The following SPIDR variants were observed in gnomAD, a reference collection of about 807,000 sequenced individuals.
SPIDR encodes scaffold protein involved in DNA repair.
Under a neutral mutation model 104.6 loss-of-function variants are expected in SPIDR, and 93 were observed. The observed-to-expected ratio is 0.89, with a 90% confidence interval of 0.75 to 1.06. SPIDR has a LOEUF of 1.06. Among genes scored for constraint, SPIDR ranks in the 50% least tolerant of loss-of-function variants. The pLI, the probability that SPIDR is intolerant of heterozygous loss-of-function variation, is 0.00. For synonymous variants in SPIDR, 431 were observed against 416.9 expected, an observed-to-expected ratio of 1.03 and a Z score of -0.41; for missense variants, 1,154 against 1,111.2, an observed-to-expected ratio of 1.04 and a Z score of -0.55.
intron 5 of SPIDR, among the ~76,000 whole-genome samples, chr8:47,321,951 G>A (rs544668744): frequency 1.3e-5 from 2 of 152,106 alleles, no homozygotes; most frequent in South Asian, 2.1e-4. Flanking sequence ...AATTCAAGAT[G>A]GATTAAAGAC....
chr8:47,730,042 A>T (rs1355588337), intron 19 of SPIDR, among the ~76,000 whole-genome samples: 1 of 152,078 alleles, frequency 6.6e-6, no homozygotes, highest in African/African-American at 2.4e-5. Context: ...TGATTACAGC[A>T]CCACAGTCTT....
intron 16 of SPIDR, among the ~76,000 whole-genome samples, chr8:47,722,244 C>A (rs776774594): frequency 3.9e-5 from 6 of 152,182 alleles, no homozygotes; most frequent in South Asian, 4.1e-4. Context: ...TTGCTGTAAT[C>A]ACTTAGTAGT....
At chr8:47,266,522 C>T (rs1183718067) in intron 1 of SPIDR, among the ~76,000 whole-genome samples, 1 of 152,144 alleles carries the variant, frequency 6.6e-6, no homozygotes, top group Non-Finnish European at 1.5e-5. Flanking sequence ...TGAAGGACCT[C>T]TAGGCTGTTT....
intron 10 of SPIDR, among the ~76,000 whole-genome samples, chr8:47,631,971 C>T (rs1280924433): frequency 1.3e-5 from 2 of 152,010 alleles, no homozygotes; most frequent in African/African-American, 2.4e-5. Flanking sequence ...GAATGTACTG[C>T]CAGATATTTT....
chr8:47,419,455 G>A (rs1456366996), intron 7 of SPIDR, among the ~76,000 whole-genome samples: 2 of 152,006 alleles, frequency 1.3e-5, no homozygotes, highest in African/African-American at 2.4e-5. Context: ...CTGTGGGATC[G>A]GTGGTGATAT....
At chr8:47,329,372 A>C (rs1554603017) in intron 5 of SPIDR, among the ~76,000 whole-genome samples, 1 of 151,946 alleles carries the variant, frequency 6.6e-6, no homozygotes, top group East Asian at 1.9e-4. Flanking sequence ...CGCCCGACCC[A>C]ATTTTTGTAT....
At chr8:47,405,227 A>T (rs2062558413) in intron 6 of SPIDR, among the ~76,000 whole-genome samples, 2 of 152,058 alleles carry the variant, frequency 1.3e-5, no homozygotes, top group South Asian at 2.1e-4. Context: ...TGGGGGAGGG[A>T]TAGCATTAGG....
chr8:47,454,108 C>G (rs1456914901), intron 8 of SPIDR, among the ~76,000 whole-genome samples: 3 of 152,118 alleles, frequency 2.0e-5, no homozygotes, highest in Non-Finnish European at 4.4e-5. Context: ...ACCATTTGAC[C>G]CAGCCATCCC....
intron 11 of SPIDR, among the ~76,000 whole-genome samples, chr8:47,683,715 A>T (rs1380842346): frequency 2.0e-5 from 3 of 152,174 alleles, no homozygotes; most frequent in African/African-American, 7.2e-5. Context: ...AAAGGTTTTG[A>T]ATTTCAGATT....
At position 47,676,030 on chromosome 8, in the gene SPIDR, G is replaced by T. The variant is rs563675088; in HGVS notation, c.1685+2089G>T. Among the ~76,000 whole-genome samples the T allele has an allele frequency of 7.2e-5, 11 of 152,348 alleles. No homozygotes were observed. In the South Asian group the frequency reaches 1.2e-3, roughly 17 times the overall value. On this transcript the variant is annotated intron_variant, in intron 11 of 19. Transcript: ENST00000297423. ...CTGTTCTGGCTGGAGACTGCAGGAC[G>T]TAGCATCTTACAGAAATACTGCTGG...
At chr8:47,602,424 A>G (rs553756594) in intron 10 of SPIDR, among the ~76,000 whole-genome samples, 1 of 152,316 alleles carries the variant, frequency 6.6e-6, no homozygotes, top group South Asian at 2.1e-4. Flanking sequence ...ACTATCCGTG[A>G]ACTTAAAGAC....
chr8:47,328,260 A>G (rs1307556903), intron 5 of SPIDR, among the ~76,000 whole-genome samples: 1 of 150,862 alleles, frequency 6.6e-6, no homozygotes, highest in Non-Finnish European at 1.5e-5. Context: ...TGGTCCAACT[A>G]CATTTTTTTT....
At chr8:47,658,999 T>TA (rs1396930305) in intron 10 of SPIDR, among the ~76,000 whole-genome samples, 2 of 151,650 alleles carry the variant, frequency 1.3e-5, no homozygotes, top group Non-Finnish European at 2.9e-5. Flanking sequence ...GGCTTACACT[T>TA]ACAGTCCCAG....
intron 5 of SPIDR, among the ~76,000 whole-genome samples, chr8:47,392,569 A>C (rs1378454826): frequency 6.6e-6 from 1 of 152,346 alleles, no homozygotes; most frequent in Non-Finnish European, 1.5e-5. Flanking sequence ...CTTAAGCCAA[A>C]GGTACCTAAA....
chr8:47,680,410 G>A (rs959513491), intron 11 of SPIDR, among the ~76,000 whole-genome samples: 1 of 152,168 alleles, frequency 6.6e-6, no homozygotes, highest in Non-Finnish European at 1.5e-5. Context: ...CTCCCGCAGA[G>A]CCCATCACGT....
chr8:47,299,824 T>A (rs1327536173), intron 5 of SPIDR, among the ~76,000 whole-genome samples: 1 of 152,144 alleles, frequency 6.6e-6, no homozygotes, highest in South Asian at 2.1e-4. Flanking sequence ...GTGGATAAGG[T>A]TTTTGATGTG....
intron 5 of SPIDR, among the ~76,000 whole-genome samples, chr8:47,384,195 T>C (rs72646306): frequency 0.099 from 15,093 of 152,270 alleles, 996 homozygotes; most frequent in Non-Finnish European, 0.15. Context: ...CACTCATTTT[T>C]AAGCCCACCC....
chr8:47,597,200 T>A (rs1382179107), intron 9 of SPIDR, among the ~76,000 whole-genome samples: 3 of 152,252 alleles, frequency 2.0e-5, no homozygotes, highest in Non-Finnish European at 4.4e-5. Flanking sequence ...GCTAGACTTT[T>A]ATGCAACTGG....
intron 5 of SPIDR, among the ~76,000 whole-genome samples, chr8:47,393,236 G>T (rs1436470377): frequency 6.6e-6 from 1 of 152,154 alleles, no homozygotes; most frequent in Non-Finnish European, 1.5e-5. Context: ...TGTATTTCCT[G>T]CTGTTGAATT....
Sources: gnomAD v4.1 joint callset for allele counts (sites outside exome capture counted in the v4.1 genomes callset) on GRCh38, gnomAD v4.1.1 for gene constraint, MANE v1.5 for transcripts, NCBI Gene and HGNC (gene_info 2026-07-23, HGNC 2026-07-21) for gene names.